The following KANK1 variants were observed in gnomAD, a reference collection of about 807,000 sequenced individuals.
The protein encoded by KANK1 is KN motif and ankyrin repeat domain-containing protein 1.
KANK1 carries 109 observed loss-of-function variants against 106.2 expected under a neutral mutation model. The observed-to-expected ratio is 1.03, with a 90% CI of 0.88 to 1.20. The LOEUF is 1.20. Among genes scored for constraint, KANK1 ranks in the 50% most tolerant of loss-of-function variants. The probability of loss-of-function intolerance (pLI) is 0.00; values close to 1 mark genes in which losing one functional copy is unlikely to be tolerated. For synonymous variants in KANK1, 873 were observed against 652.2 expected (o/e 1.34, Z -5.16); for missense variants, 2,399 against 1,710.7 (o/e 1.40, Z -7.10).
chr9:714,291 T>C (rs1827071987), intron 3 of KANK1, among the ~76,000 whole-genome samples: 1 of 151,642 alleles, frequency 6.6e-6, no homozygotes. Context: ...CAGCGAGTGG[T>C]AGTGGTCAGG....
At chr9:600,956 T>C (rs1465462719) in intron 1 of KANK1, among the ~76,000 whole-genome samples, 1 of 151,810 alleles carries the variant, frequency 6.6e-6, no homozygotes, top group African/African-American at 2.4e-5. Context: ...TCTGTCTTTC[T>C]GAGTCTCATG....
upstream of KANK1, among the ~76,000 whole-genome samples, chr9:499,793 G>C (rs2058519382): frequency 6.6e-6 from 1 of 152,172 alleles, no homozygotes; most frequent in Admixed American, 6.5e-5. Context: ...TATAAGTTTT[G>C]TGTGGCATAG....
intron 1 of KANK1, among the ~76,000 whole-genome samples, chr9:656,892 G>A (rs1190683391): frequency 6.6e-6 from 1 of 151,106 alleles, no homozygotes; most frequent in East Asian, 1.9e-4. Flanking sequence ...TTTTTTTATT[G>A]TGGTGAAAAA....
chr9:654,571 T>C (rs1841665699), intron 1 of KANK1, among the ~76,000 whole-genome samples: 1 of 117,828 alleles, frequency 8.5e-6, no homozygotes, highest in African/African-American at 5.1e-5. Flanking sequence ...GTAATATATT[T>C]ACCACTCAAT....
intron 2 of KANK1, among the ~76,000 whole-genome samples, chr9:705,890 C>A (rs115235547): frequency 1.3e-5 from 2 of 152,086 alleles, no homozygotes; most frequent in South Asian, 4.2e-4. Flanking sequence ...CATGAGCCAG[C>A]GTGCTCTCCA....
chr9:711,705 G>T lies in KANK1; in HGVS notation c.939G>T (p.Gln313His). 1 of 1,614,216 alleles carries T rather than the reference G, an allele frequency of 6.2e-7. No individual in the cohort carries two copies. Residue 313 changes from glutamine (Q) to histidine (H), a missense_variant, in exon 3 of 12, where the codon CAG (glutamine) becomes CAT (histidine). Physicochemically the swap from Gln to His is conservative, Grantham distance 24. Transcript: ENST00000382297. ...SQLKNQRAAS[Q>H]INVCGVRKRS... The stretch of plus-strand genomic sequence containing the variant: ...TGAAAAACCAAAGGGCTGCATCCCA[G>T]ATCAATGTCTGTGGTGTGAGGAAGC...
chr9:566,432 A>G (rs1240387726), intron 1 of KANK1, among the ~76,000 whole-genome samples: 1 of 152,226 alleles, frequency 6.6e-6, no homozygotes, highest in Non-Finnish European at 1.5e-5. Flanking sequence ...AAGACTCATC[A>G]CATTGTCTTC....
At chr9:690,262 C>T (rs899282022) in intron 2 of KANK1, among the ~76,000 whole-genome samples, 23 of 149,672 alleles carry the variant, frequency 1.5e-4, no homozygotes, top group African/African-American at 5.2e-4. Flanking sequence ...GCCGAGATCC[C>T]GCCATTGTAC....
chr9:707,107 G>A (rs929585342), intron 2 of KANK1: 5 of 985,338 alleles, frequency 5.1e-6, no homozygotes, highest in Admixed American at 6.1e-5. Context: ...GCATCCGAGC[G>A]TGGCCGGCCA....
Position 707,216 on chromosome 9 carries a change from G to A in KANK1, c.38-3588G>A, listed in dbSNP as rs528218687. The A allele has an allele frequency of 4.1e-6, 4 of 986,204 alleles. No homozygotes were observed. In the East Asian group the frequency reaches 3.4e-4, roughly 84 times the overall value. The allele number at this position is 986,204 out of a possible 1,614,324, so 61.1% of individuals were successfully genotyped here. Reference sequence around the variant, plus strand: ...TGGAGCGAGCTGTGCGGGGCAGCGCGGGCTGGCGGGGAGCGCGGCGGGCGC... The same window carrying A: ...TGGAGCGAGCTGTGCGGGGCAGCGCAGGCTGGCGGGGAGCGCGGCGGGCGC... On this transcript the variant is annotated intron_variant, in intron 2 of 11. Transcript: ENST00000382297.
intron 2 of KANK1, chr9:706,679 T>C (rs1236968158): frequency 1.6e-6 from 1 of 625,620 alleles, no homozygotes; most frequent in Non-Finnish European, 2.0e-6. Flanking sequence ...AAAGGCTCAG[T>C]TGAAATTAAT....
intron 1 of KANK1, among the ~76,000 whole-genome samples, chr9:608,017 T>TTAG: frequency 2.4e-5 from 2 of 81,888 alleles, no homozygotes; most frequent in East Asian, 5.1e-4. Context: ...TTCAGAATTA[T>TTAG]TATTATTATT....
At chr9:636,366 C>T (rs977745080) in intron 1 of KANK1, among the ~76,000 whole-genome samples, 1 of 152,154 alleles carries the variant, frequency 6.6e-6, no homozygotes, top group Non-Finnish European at 1.5e-5. Context: ...CAGGGTATGT[C>T]CTGGTTTCTT....
chr9:491,177 T>C (rs180976900), intron 3 of KANK1, among the ~76,000 whole-genome samples: 1 of 152,064 alleles, frequency 6.6e-6, no homozygotes, highest in African/African-American at 2.4e-5. Flanking sequence ...TCCAGGCTGG[T>C]CTTGAGCTCT....
chr9:741,086 C>A (rs1835362224), intron 9 of KANK1, 152 bp downstream of exon 9: 1 of 774,806 alleles, frequency 1.3e-6, no homozygotes, highest in Non-Finnish European at 2.0e-6. Flanking sequence ...CTGCCTGGCA[C>A]TCCTTGCTGA....
intron 1 of KANK1, among the ~76,000 whole-genome samples, chr9:653,555 A>G (rs1039083696): frequency 6.6e-6 from 1 of 152,140 alleles, no homozygotes; most frequent in African/African-American, 2.4e-5. Context: ...AAAGGCTGCA[A>G]AACCTTTCCC....
chr9:582,247 TG>T (rs565133329), intron 1 of KANK1, among the ~76,000 whole-genome samples: 2 of 152,118 alleles, frequency 1.3e-5, no homozygotes, highest in Non-Finnish European at 2.9e-5. Context: ...GGGGTGTGTG[TG>T]GCTTTACCTG....
At chr9:602,405 A>G (rs1341949099) in intron 1 of KANK1, among the ~76,000 whole-genome samples, 4 of 151,552 alleles carry the variant, frequency 2.6e-5, no homozygotes, top group African/African-American at 2.4e-5. Flanking sequence ...GACTACAGGC[A>G]TGCACCACCA....
intron 2 of KANK1, among the ~76,000 whole-genome samples, chr9:680,634 A>T (rs1817356197): frequency 6.6e-6 from 1 of 152,132 alleles, no homozygotes; most frequent in Admixed American, 6.5e-5. Flanking sequence ...AGAGGCAAAA[A>T]TTTCTGCCCT....
Sources: allele counts gnomAD v4.1 joint callset (sites outside exome capture counted in the v4.1 genomes callset), GRCh38; gene constraint gnomAD v4.1.1; transcripts MANE v1.5; gene names NCBI Gene and HGNC (gene_info 2026-07-23, HGNC 2026-07-21).